CREBRF: variants seen among roughly 807,000 people sequenced by gnomAD.
CREBRF encodes CREB3 regulatory factor, also known as UPF0474 protein C5orf41.
In CREBRF, 5 loss-of-function variants were observed where a neutral mutation model predicts 66.1. The observed-to-expected ratio is 0.08, with a 90% CI of 0.04 to 0.16. The LOEUF (loss-of-function observed/expected upper bound fraction) is 0.16, where lower values mean the gene tolerates loss of function less well. CREBRF is among the 10% of genes least tolerant of loss of function. The pLI, the probability that CREBRF is intolerant of heterozygous loss-of-function variation, is 1.00. For missense variants in CREBRF, 531 were observed against 744.9 expected (o/e 0.71, Z 3.34); for synonymous variants, 229 against 264.4 (o/e 0.87, Z 1.30).
rs912508371 is a variant in CREBRF, at chr5:173,110,286, T to G, written c.1418-236T>G. ...CTAGAAGCCTAGGGTAGGGAAGAAC[T>G]TGGAAAAAGTTAGAACTCTGCCATA... On this transcript the variant is annotated intron_variant, in intron 5 of 8. Coordinates refer to ENST00000296953, the MANE Select transcript of CREBRF (RefSeq NM_153607.3). 2.7e-4 allele frequency: 159 copies of G among 597,154 alleles called. No homozygotes were observed. The Admixed American group carries it at 2.7e-3, about 10-fold the overall frequency. The allele number at this position is 597,154 out of a possible 1,614,324, so 37.0% of individuals were successfully genotyped here.
intron 1 of CREBRF, among the ~76,000 whole-genome samples, chr5:173,070,338 C>T (rs983316753): frequency 6.6e-6 from 1 of 152,096 alleles, no homozygotes; most frequent in Admixed American, 6.5e-5. Flanking sequence ...TGTTTTTATG[C>T]CGCTGCCATT....
At chr5:173,127,701 A>G (rs990654109) in intron 8 of CREBRF, among the ~76,000 whole-genome samples, 1 of 150,674 alleles carries the variant, frequency 6.6e-6, no homozygotes, top group Non-Finnish European at 1.5e-5. Flanking sequence ...CTCGTGATCC[A>G]CCCACCTCAG....
intron 1 of CREBRF, among the ~76,000 whole-genome samples, chr5:173,066,335 G>A (rs1757436542): frequency 1.3e-5 from 2 of 152,110 alleles, no homozygotes; most frequent in African/African-American, 4.8e-5. Flanking sequence ...AGTGTAGAAT[G>A]TGACTGCCTA....
chr5:173,115,402 T>C (rs1318553082), intron 7 of CREBRF, among the ~76,000 whole-genome samples: 2 of 151,258 alleles, frequency 1.3e-5, no homozygotes, highest in Non-Finnish European at 3.0e-5. Context: ...CCACTGTGTC[T>C]GACTGTGTTT....
In CREBRF at chr5:173,062,800, T is replaced by A. The variant is rs1384201763; in HGVS notation, c.-192+6321T>A. On this transcript the variant is annotated intron_variant, in intron 1 of 8. Coordinates refer to ENST00000296953, the MANE Select transcript of CREBRF (RefSeq NM_153607.3). ...TCTTGCTCTGTCGCCCAGGCTGGAG[T>A]GCAGTGGTGGGATCTCGCCTCACTG... 2.1e-5 allele frequency among the ~76,000 whole-genome samples: 3 copies of A among 143,706 alleles called. No homozygotes were observed. In the East Asian group the frequency reaches 6.0e-4, roughly 29 times the overall value. 94.3% of individuals were successfully genotyped at this position (143,706 alleles called of 152,430 possible).
At chr5:173,061,811 C>T (rs564722546) in intron 1 of CREBRF, among the ~76,000 whole-genome samples, 4 of 152,254 alleles carry the variant, frequency 2.6e-5, no homozygotes, top group African/African-American at 7.2e-5. Context: ...TGCTAAGTGC[C>T]TAGTGAAGCA....
chr5:173,073,674 T>C (rs1332004498), intron 1 of CREBRF, among the ~76,000 whole-genome samples: 1 of 152,190 alleles, frequency 6.6e-6, no homozygotes, highest in Non-Finnish European at 1.5e-5. Flanking sequence ...CTTGCTTTAA[T>C]AGTCTTTTTA....
At chr5:173,078,750 C>T (rs1757845665) in intron 1 of CREBRF, among the ~76,000 whole-genome samples, 1 of 151,908 alleles carries the variant, frequency 6.6e-6, no homozygotes, top group Admixed American at 6.6e-5. Flanking sequence ...GTCTTGAACT[C>T]CTGACCTCAA....
chr5:173,092,597 A>T lies in CREBRF; in HGVS notation c.1222+1196A>T, dbSNP rs567413058. Among the ~76,000 whole-genome samples the T allele has an allele frequency of 9.3e-5, 13 of 140,160 alleles. No individual in the cohort carries two copies. The South Asian group carries it at 1.5e-3, about 16-fold the overall frequency. The allele number at this position is 140,160 out of a possible 152,430, so 92.0% of individuals were successfully genotyped here. A position where few individuals can be genotyped will look rare whatever the true frequency, so the allele number is the denominator to read the frequency against. On this transcript the variant is annotated intron_variant, in intron 4 of 8. Coordinates refer to ENST00000296953, the MANE Select transcript of CREBRF (RefSeq NM_153607.3). ...CTGCATGAAAACTAAGTTATTATTT[A>T]AAAAAAAACTATCAAAGAGAGCCCT...
At chr5:173,100,118 G>GTGTATATATA (rs70984939) in intron 4 of CREBRF, among the ~76,000 whole-genome samples, 123 of 88,376 alleles carry the variant, frequency 1.4e-3, no homozygotes, top group African/African-American at 3.3e-3. Context: ...GTGTGTGTGT[G>GTGTATATATA]TATATATATA....
chr5:173,119,637 A>T (rs1473538328), intron 7 of CREBRF, among the ~76,000 whole-genome samples: 2 of 152,072 alleles, frequency 1.3e-5, no homozygotes. Context: ...TTTCTGCCTT[A>T]TCAAAATGTC....
chr5:173,119,490 A>G (rs1327387271), intron 7 of CREBRF, among the ~76,000 whole-genome samples: 1 of 152,188 alleles, frequency 6.6e-6, no homozygotes, highest in South Asian at 2.1e-4. Flanking sequence ...GTATTAATAT[A>G]TAAAACATAT....
chr5:173,134,314 G>T lies in CREBRF; in HGVS notation c.*569G>T, dbSNP rs988120982. Reference sequence around the variant, plus strand: ...TACACACACACACACAAATGTCTGTGCAAGTAAGAAAAAAAAAGCATATTC... The same window carrying T: ...TACACACACACACACAAATGTCTGTTCAAGTAAGAAAAAAAAAGCATATTC... On this transcript the variant is annotated 3_prime_UTR_variant, in exon 9 of 9. Coordinates refer to ENST00000296953, the MANE Select transcript of CREBRF (RefSeq NM_153607.3). The T allele has an allele frequency of 9.3e-5, 21 of 226,308 alleles. No individual in the cohort carries two copies. The highest frequency in any genetic ancestry group is 1.6e-4 in the Non-Finnish European group (18 of 114,284). The allele number at this position is 226,308 out of a possible 1,614,324, so 14.0% of individuals were successfully genotyped here.
chr5:173,090,348 G>A lies in CREBRF; in HGVS notation c.169G>A (p.Asp57Asn). 1 of 1,602,628 alleles carries A rather than the reference G, an allele frequency of 6.2e-7. No homozygotes were observed. The highest frequency in any genetic ancestry group is 8.5e-7 in the Non-Finnish European group (1 of 1,170,276). Residue 57 changes from aspartate to asparagine, a missense_variant, in exon 4 of 9, where the codon GAC becomes AAC. This residue lies in a region of CREBRF where 133 missense variants were observed against 215.6 expected (regional missense o/e 0.62). Coordinates refer to ENST00000296953, the MANE Select transcript of CREBRF (RefSeq NM_153607.3). The surrounding 1 kb of genome is among the most constrained non-coding windows in gnomAD (Gnocchi z 4.5). ...GATGAACTACCAACAGAATCCTAGA[G>A]ACAACTTTCTTTCTTTGGAGGACTG... ...REMNYQQNPR[D>N]NFLSLEDCKD... is the part of the protein sequence containing the mutation.
intron 8 of CREBRF, among the ~76,000 whole-genome samples, chr5:173,129,994 T>G (rs1305779463): frequency 6.6e-6 from 1 of 151,946 alleles, no homozygotes; most frequent in Non-Finnish European, 1.5e-5. Context: ...CCTGGCTAAT[T>G]TTTGTATTTT....
At chr5:173,060,108 T>A (rs1757221710) in intron 1 of CREBRF, 1 of 152,158 alleles carries the variant, frequency 6.6e-6, no homozygotes, top group Non-Finnish European at 1.5e-5. Flanking sequence ...GTGTGTTGAT[T>A]CTGTTAATAT....
chr5:173,120,885 G>T (rs923335437), intron 7 of CREBRF, among the ~76,000 whole-genome samples: 19 of 151,478 alleles, frequency 1.3e-4, no homozygotes, highest in Non-Finnish European at 1.5e-5. Context: ...TAGACATGGG[G>T]TTTCGTCATG....
chr5:173,085,412 TC>T, intron 2 of CREBRF: 4 of 946,082 alleles, frequency 4.2e-6, no homozygotes, highest in South Asian at 2.8e-5. Flanking sequence ...TCAAATACAT[TC>T]TTTTTTTTTT....
chr5:173,062,949 G>A (rs955436411), intron 1 of CREBRF, among the ~76,000 whole-genome samples: 23 of 151,684 alleles, frequency 1.5e-4, no homozygotes, highest in African/African-American at 2.2e-4. Context: ...GGGTTTCACC[G>A]TTTTAGCCGG....
Sources: allele counts gnomAD v4.1 joint callset (sites outside exome capture counted in the v4.1 genomes callset), GRCh38; gene constraint gnomAD v4.1.1; regional missense constraint gnomAD v4.1.1; non-coding constraint Gnocchi (gnomAD v3.1); transcripts MANE v1.5; gene names NCBI Gene and HGNC (gene_info 2026-07-23, HGNC 2026-07-21).